Variants in CFAP47 observed in about 807,000 individuals in gnomAD.
The protein encoded by CFAP47 is cilia and flagella associated protein 47, also known as cilia- and flagella-associated protein 47.
CFAP47 carries 29 observed loss-of-function variants against 148.1 expected under a neutral mutation model. The ratio of observed to expected loss-of-function variants is 0.20; its 90% CI spans 0.15 to 0.27. The LOEUF (loss-of-function observed/expected upper bound fraction) is 0.27, where lower values mean the gene tolerates loss of function less well. Ranked by LOEUF, CFAP47 falls within the 10% of genes least tolerant of loss-of-function variation. The probability of loss-of-function intolerance (pLI) is 1.00; values close to 1 mark genes in which losing one functional copy is unlikely to be tolerated. For missense variants in CFAP47, 1,872 were observed against 1,697.5 expected (o/e 1.10, Z -1.81); for synonymous variants, 664 against 577.3 (o/e 1.15, Z -2.15).
intron 26 of CFAP47, among the ~76,000 whole-genome samples, chrX:36,049,910 T>G (rs1177773103): frequency 4.5e-5 from 5 of 111,369 alleles, no homozygotes; most frequent in South Asian, 3.8e-4. Flanking sequence ...TGAGTTATCC[T>G]GTGCTGTTCA....
intron 26 of CFAP47, among the ~76,000 whole-genome samples, chrX:36,056,542 G>A (rs1007125421): frequency 1.8e-5 from 2 of 112,240 alleles, no homozygotes; most frequent in East Asian, 5.6e-4. Context: ...CACCAAGTGT[G>A]TGGGGTTGGC....
Position 36,138,441 on chromosome X carries a change from A to G in CFAP47, c.5512A>G (p.Ile1838Val), listed in dbSNP as rs747470042. 2 of 1,155,698 alleles carry G rather than the reference A, an allele frequency of 1.7e-6. No homozygotes were observed. Among genetic ancestry groups the G allele is most frequent in the South Asian group, 4.3e-5 (2 of 46,329 alleles). The change falls in exon 35 of 64, where the codon ATT (isoleucine) becomes GTT (valine). Residue 1838 changes from isoleucine to valine, a missense_variant. By Grantham distance (29) the Ile-to-Val change is conservative. Coordinates refer to ENST00000378653, the MANE Select transcript of CFAP47 (RefSeq NM_001304548.2). ...GATTATTGTAAATACTCTTTATGAA[A>G]TTGACTTTGACGTGGAAATACAGGT... is the stretch of plus-strand genomic sequence containing the variant. ...CLIIVNTLYEIDFDVEIQATD... is the reference protein window; with the variant it reads ...CLIIVNTLYEVDFDVEIQATD...
At chrX:36,185,502 G>A (rs1939797059) in intron 40 of CFAP47, among the ~76,000 whole-genome samples, 1 of 111,406 alleles carries the variant, frequency 9.0e-6, no homozygotes, top group African/African-American at 3.3e-5. Flanking sequence ...TCTAGATTAG[G>A]ATTTCTTAAC....
chrX:35,948,174 G>A lies in CFAP47; in HGVS notation c.518-140G>A, dbSNP rs149396799. The A allele has an allele frequency of 2.0e-3, 954 of 474,028 alleles. 12 individuals are homozygous for A. Among genetic ancestry groups the A allele is most frequent in the African/African-American group, 0.019 (811 of 41,603 alleles). The allele number at this position is 474,028 out of a possible 1,213,427, so 39.1% of individuals were successfully genotyped here. A position where few individuals can be genotyped will look rare whatever the true frequency, so the allele number is the denominator to read the frequency against. Reference sequence around the variant, plus strand: ...TTTGTGTTGGGCTGCATTCAAAGCCGTCCTGGGCTGCATGTGGCCCATGGG... The same window carrying A: ...TTTGTGTTGGGCTGCATTCAAAGCCATCCTGGGCTGCATGTGGCCCATGGG... On this transcript the variant is annotated intron_variant, in intron 3 of 63. Transcript: ENST00000378653.
chrX:36,130,612 G>T (rs758405706), intron 33 of CFAP47, among the ~76,000 whole-genome samples: 1 of 111,126 alleles, frequency 9.0e-6, no homozygotes, highest in South Asian at 3.7e-4. Context: ...ATATTGAACA[G>T]ATATTTGCAC....
At chrX:35,960,235 C>T (rs1056550217) in intron 8 of CFAP47, among the ~76,000 whole-genome samples, 1 of 107,010 alleles carries the variant, frequency 9.3e-6, no homozygotes, top group Non-Finnish European at 1.9e-5. Context: ...CCACTGCGCC[C>T]GGCCTGTAAT....
intron 49 of CFAP47, among the ~76,000 whole-genome samples, chrX:36,277,925 C>T (rs1213163979): frequency 8.9e-6 from 1 of 111,795 alleles, no homozygotes; most frequent in Non-Finnish European, 1.9e-5. Flanking sequence ...TATTGCAGAA[C>T]AGCAAATATT....
chrX:36,118,126 C>A (rs1264227404), intron 33 of CFAP47, among the ~76,000 whole-genome samples: 2 of 111,777 alleles, frequency 1.8e-5, no homozygotes, highest in African/African-American at 3.3e-5. Flanking sequence ...CAATACCATG[C>A]CATTTTGGTT....
chrX:36,325,007 AT>A (rs1489928245), intron 57 of CFAP47, among the ~76,000 whole-genome samples: 2 of 111,543 alleles, frequency 1.8e-5, no homozygotes, highest in African/African-American at 6.5e-5. Flanking sequence ...GATATAAAAA[AT>A]TATCCAGCCT....
intron 48 of CFAP47, among the ~76,000 whole-genome samples, chrX:36,243,647 GTATATATATATATATATATATATATA>G (rs58640112): frequency 1.5e-3 from 94 of 64,249 alleles, no homozygotes; most frequent in Non-Finnish European, 2.7e-3. Context: ...ATATGTGTGT[GTATATATATATATATATATATATATA>G]TATATATATA....
At chrX:36,131,552 CA>C (rs922338630) in intron 33 of CFAP47, among the ~76,000 whole-genome samples, 4 of 111,019 alleles carry the variant, frequency 3.6e-5, no homozygotes, top group African/African-American at 1.3e-4. Context: ...TATATGATTA[CA>C]AAAAACTTTT....
At chrX:36,053,950 T>C (rs1281524249) in intron 26 of CFAP47, among the ~76,000 whole-genome samples, 3 of 112,674 alleles carry the variant, frequency 2.7e-5, no homozygotes, top group African/African-American at 9.7e-5. Flanking sequence ...ATGTAGTTTT[T>C]CTAATATCCT....
chrX:36,318,564 A>G (rs1287557252), intron 56 of CFAP47, among the ~76,000 whole-genome samples: 2 of 111,887 alleles, frequency 1.8e-5, no homozygotes, highest in Non-Finnish European at 3.8e-5. Context: ...TGTAAATGCT[A>G]TGTAAATAGT....
At chrX:36,299,257 AGTTTT>A (rs1854699954) in intron 52 of CFAP47, 105 bp downstream of exon 52, 1 of 485,970 alleles carries the variant, frequency 2.1e-6, no homozygotes, top group African/African-American at 2.5e-5. Context: ...ACTTGCTCAT[AGTTTT>A]AACTTTGTTT....
chrX:36,201,937 G>T, intron 44 of CFAP47, among the ~76,000 whole-genome samples: 1 of 109,032 alleles, frequency 9.2e-6, no homozygotes, highest in South Asian at 3.8e-4. Context: ...GCCAGACTGA[G>T]AATTCAGACT....
rs1320984228 is a variant in CFAP47, at chrX:35,924,156, T to TGC, written c.250-1861_250-1860insGC. Among the ~76,000 whole-genome samples, 13 of 73,623 alleles carry TGC rather than the reference T, an allele frequency of 1.8e-4. 1 individual carries two copies. The highest frequency in any genetic ancestry group is 8.9e-4 in the African/African-American group (12 of 13,417). 63.9% of individuals were successfully genotyped at this position (73,623 alleles called of 115,157 possible). On this transcript the variant is annotated intron_variant, in intron 1 of 63. Coordinates refer to ENST00000378653, the MANE Select transcript of CFAP47 (RefSeq NM_001304548.2). ...GTATATGTGTACATGTATGCGTACATATATGTATATATGTACATGTATGCG... is the reference window on the plus strand; with the variant it reads ...GTATATGTGTACATGTATGCGTACATGCATATGTATATATGTACATGTATGCG...
intron 19 of CFAP47, among the ~76,000 whole-genome samples, chrX:35,999,316 A>G (rs193001992): frequency 8.4e-4 from 94 of 111,978 alleles, no homozygotes; most frequent in Admixed American, 1.7e-3. Flanking sequence ...GATCTCCTTT[A>G]AATGTTGTAT....
At chrX:36,270,635 T>TAA (rs1452421356) in intron 49 of CFAP47, among the ~76,000 whole-genome samples, 1 of 104,033 alleles carries the variant, frequency 9.6e-6, no homozygotes, top group African/African-American at 3.5e-5. Flanking sequence ...AGTATATATA[T>TAA]AATATAGTGA....
At chrX:36,239,781 T>C (rs1940518476) in intron 48 of CFAP47, among the ~76,000 whole-genome samples, 1 of 111,710 alleles carries the variant, frequency 9.0e-6, no homozygotes, top group Admixed American at 9.6e-5. Context: ...GCCGCACGGA[T>C]GTTCAAGATT....
Sources: gnomAD v4.1 joint callset for allele counts (sites outside exome capture counted in the v4.1 genomes callset) on GRCh38, gnomAD v4.1.1 for gene constraint, MANE v1.5 for transcripts, NCBI Gene and HGNC (gene_info 2026-07-23, HGNC 2026-07-21) for gene names.